The following RPS6KC1 variants were observed in gnomAD, a reference collection of about 807,000 sequenced individuals.
RPS6KC1 encodes the protein inactive ribosomal protein S6 kinase delta-1.
A neutral mutation model predicts 103.8 loss-of-function variants in RPS6KC1; 54 were observed. The ratio of observed to expected loss-of-function variants is 0.52; its 90% CI spans 0.42 to 0.65. RPS6KC1 has a LOEUF of 0.65. RPS6KC1 is among the 30% of genes least tolerant of loss of function. The pLI, the probability that RPS6KC1 is intolerant of heterozygous loss-of-function variation, is 0.00. For missense variants in RPS6KC1, 1,151 were observed against 1,253.8 expected (o/e 0.92, Z 1.24); for synonymous variants, 439 against 438.7 (o/e 1.00, Z -0.01).
At chr1:213,259,570 A>G (rs911765053) in intron 12 of RPS6KC1, among the ~76,000 whole-genome samples, 1 of 151,874 alleles carries the variant, frequency 6.6e-6, no homozygotes, top group Non-Finnish European at 1.5e-5. Context: ...CTCAAAAAAT[A>G]CTCACCACCC....
the RPS6KC1 span, among the ~76,000 whole-genome samples, chr1:213,328,774 C>T: frequency 6.6e-6 from 1 of 151,898 alleles, no homozygotes; most frequent in Non-Finnish European, 1.5e-5. Flanking sequence ...ACAGAGAAGA[C>T]ACTGTAAATG....
At chr1:213,172,779 G>A (rs1317588489) in intron 7 of RPS6KC1, among the ~76,000 whole-genome samples, 1 of 152,190 alleles carries the variant, frequency 6.6e-6, no homozygotes, top group Non-Finnish European at 1.5e-5. Flanking sequence ...AGATTGTTGG[G>A]TCATCATGTA....
At chr1:213,619,553 G>C in the RPS6KC1 span, among the ~76,000 whole-genome samples, 1 of 152,358 alleles carries the variant, frequency 6.6e-6, no homozygotes, top group East Asian at 1.9e-4. Context: ...GTAGCCAAGA[G>C]AGTCTGCAAC....
chr1:213,075,472 T>C (rs2079249341), intron 2 of RPS6KC1, among the ~76,000 whole-genome samples: 1 of 152,236 alleles, frequency 6.6e-6, no homozygotes, highest in Non-Finnish European at 1.5e-5. Context: ...TATCTGCTAC[T>C]GATCTTTTAA....
intron 14 of RPS6KC1, among the ~76,000 whole-genome samples, chr1:213,268,367 T>C (rs1047622426): frequency 6.7e-5 from 10 of 149,306 alleles, no homozygotes; most frequent in Admixed American, 4.0e-4. Flanking sequence ...TTCCCAAATA[T>C]AGAAAGACTG....
intron 6 of RPS6KC1, among the ~76,000 whole-genome samples, chr1:213,158,476 T>C (rs2090139222): frequency 6.6e-6 from 1 of 152,236 alleles, no homozygotes; most frequent in Admixed American, 6.5e-5. Flanking sequence ...TATAATACTT[T>C]CCCGATCTTT....
chr1:213,669,548 A>C, the RPS6KC1 span, among the ~76,000 whole-genome samples: 623 of 152,296 alleles, frequency 4.1e-3, 2 homozygotes, highest in East Asian at 0.033. Flanking sequence ...AATTACCAAA[A>C]TGTTACACAG....
At chr1:213,276,609 T>G (rs188434257), downstream of RPS6KC1, among the ~76,000 whole-genome samples, 85 of 151,858 alleles carry the variant, frequency 5.6e-4, 1 homozygote, top group South Asian at 3.1e-3. Context: ...TAAAACAACA[T>G]TATAGGAAAG....
In RPS6KC1 at chr1:213,100,649, G is replaced by C. The variant is rs147553996; in HGVS notation, c.263-3805G>C. On this transcript the variant is annotated intron_variant, in intron 3 of 14. Transcript: ENST00000366960. ...CCATCTCTGTGTCCATGTGTACCCA[G>C]TGTTTAGCTCCCACTTAAAAGTGAG... Among the ~76,000 whole-genome samples the C allele has an allele frequency of 2.9e-3, 444 of 152,172 alleles. 2 individuals carry two copies. Among genetic ancestry groups the C allele is most frequent in the South Asian group, 0.012 (58 of 4,822 alleles).
At chr1:213,560,685 AT>A in the RPS6KC1 span, among the ~76,000 whole-genome samples, 4 of 152,202 alleles carry the variant, frequency 2.6e-5, no homozygotes, top group Admixed American at 6.5e-5. Context: ...AATGAGTATT[AT>A]TTTAAGCTGC....
the RPS6KC1 span, among the ~76,000 whole-genome samples, chr1:213,713,428 C>A: frequency 1.3e-5 from 2 of 152,184 alleles, no homozygotes; most frequent in Non-Finnish European, 2.9e-5. Context: ...TATTTATTCA[C>A]AACTTTTGTC....
rs2093310320 is a variant in RPS6KC1 at position 213,205,425 on chromosome 1, G to GA, written c.1045-25071dup. The GA allele has an allele frequency of 6.7e-5, 65 of 969,208 alleles. No homozygotes were observed. In the South Asian group the frequency reaches 2.4e-3, roughly 36 times the overall value. The allele number at this position is 969,208 out of a possible 1,614,324, so 60.0% of individuals were successfully genotyped here. On this transcript the variant is annotated intron_variant, in intron 8 of 14. Coordinates refer to ENST00000366960, the MANE Select transcript of RPS6KC1 (RefSeq NM_012424.6). ...AAGCAGTTTGAGTCACTATGATGTG[G>GA]ATGGTGGGAAGTAGCCCTCTTAATC...
At chr1:213,240,675 T>G in intron 10 of RPS6KC1, 27 bp from the exon 11 acceptor site, 1 of 1,547,562 alleles carries the variant, frequency 6.5e-7, no homozygotes, top group Non-Finnish European at 8.7e-7. Flanking sequence ...TTAATACTTT[T>G]GTTTGTTTTG....
chr1:213,343,631 T>C, the RPS6KC1 span, among the ~76,000 whole-genome samples: 1 of 150,494 alleles, frequency 6.6e-6, no homozygotes, highest in African/African-American at 2.4e-5. Context: ...CACCATGGAC[T>C]CTGGGCACTC....
the RPS6KC1 span, among the ~76,000 whole-genome samples, chr1:213,791,903 C>T: frequency 0.3 from 46,256 of 152,034 alleles, 10,717 homozygotes; most frequent in African/African-American, 0.64. Context: ...ACGTTAATAC[C>T]TCCCTGTGCA....
the RPS6KC1 span, among the ~76,000 whole-genome samples, chr1:213,621,700 A>T: frequency 4.6e-5 from 7 of 152,202 alleles, no homozygotes; most frequent in Non-Finnish European, 1.5e-5. Context: ...TGTAGGGCCT[A>T]ATGCAAAGTG....
At chr1:213,744,439 A>G in the RPS6KC1 span, among the ~76,000 whole-genome samples, 73,248 of 152,138 alleles carry the variant, frequency 0.48, 18,339 homozygotes, top group East Asian at 0.75. Context: ...CAGCTTCAAA[A>G]TGTGTCTCCC....
At chr1:213,632,977 G>T in the RPS6KC1 span, among the ~76,000 whole-genome samples, 26 of 152,168 alleles carry the variant, frequency 1.7e-4, no homozygotes, top group African/African-American at 6.0e-4. Context: ...ATTAAATAAA[G>T]TGAGGAGAGA....
the RPS6KC1 span, among the ~76,000 whole-genome samples, chr1:213,628,784 G>A: frequency 6.6e-6 from 1 of 151,930 alleles, no homozygotes; most frequent in Non-Finnish European, 1.5e-5. Context: ...TATGTTGTGT[G>A]TTTGTTCTCG....
Sources: allele counts gnomAD v4.1 joint callset (sites outside exome capture counted in the v4.1 genomes callset), GRCh38; gene constraint gnomAD v4.1.1; transcripts MANE v1.5; gene names NCBI Gene and HGNC (gene_info 2026-07-23, HGNC 2026-07-21).